SPATS2L: variants seen among roughly 807,000 people sequenced by gnomAD.
SPATS2L encodes the protein SPATS2-like protein.
In SPATS2L, 30 loss-of-function variants were observed where a neutral mutation model predicts 59.6. The ratio of observed to expected loss-of-function variants is 0.50; its 90% confidence interval spans 0.38 to 0.68. The LOEUF (loss-of-function observed/expected upper bound fraction) is 0.68, where lower values mean the gene tolerates loss of function less well. Among genes scored for constraint, SPATS2L ranks in the 30% least tolerant of loss-of-function variants. The pLI is 0.00. For missense variants in SPATS2L, 615 were observed against 700.0 expected (o/e 0.88, Z 1.37); for synonymous variants, 252 against 263.5 (o/e 0.96, Z 0.42).
chr2:200,349,558 A>C (rs2080646559), intron 2 of SPATS2L, among the ~76,000 whole-genome samples: 1 of 152,230 alleles, frequency 6.6e-6, no homozygotes, highest in African/African-American at 2.4e-5. Flanking sequence ...GAATCCCTTG[A>C]ACCCAGGAGG....
intron 2 of SPATS2L, among the ~76,000 whole-genome samples, chr2:200,354,335 G>T (rs931181957): frequency 5.3e-5 from 8 of 152,148 alleles, no homozygotes; most frequent in Admixed American, 1.3e-4. Flanking sequence ...CAGGTCGGGC[G>T]CGATGGCTCA....
chr2:200,476,813 G>A (rs1170271447), intron 12 of SPATS2L, among the ~76,000 whole-genome samples: 1 of 152,188 alleles, frequency 6.6e-6, no homozygotes. Flanking sequence ...TGTATCCTGA[G>A]CTCTTGTCCA....
At chr2:200,470,558 C>A in intron 11 of SPATS2L, among the ~76,000 whole-genome samples, 1 of 152,092 alleles carries the variant, frequency 6.6e-6, no homozygotes, top group East Asian at 1.9e-4. Flanking sequence ...AGCTAATGTG[C>A]AACAAAATTG....
chr2:200,307,598 C>T (rs765924573), intron 1 of SPATS2L, among the ~76,000 whole-genome samples: 1 of 152,190 alleles, frequency 6.6e-6, no homozygotes, highest in Admixed American at 6.5e-5. Flanking sequence ...AGTCCGCGGG[C>T]TGCGGACCCC....
At chr2:200,450,299 C>A (rs901660661) in intron 8 of SPATS2L, among the ~76,000 whole-genome samples, 10 of 152,294 alleles carry the variant, frequency 6.6e-5, no homozygotes, top group Non-Finnish European at 1.2e-4. Context: ...TGGGAAATTT[C>A]TTTTCCTCTA....
intron 3 of SPATS2L, among the ~76,000 whole-genome samples, chr2:200,394,296 C>T (rs548445866): frequency 2.0e-5 from 3 of 152,276 alleles, no homozygotes; most frequent in East Asian, 3.9e-4. Context: ...GTGTCTGCCT[C>T]CTTTGCAAAG....
chr2:200,472,850 A>C lies in SPATS2L; in HGVS notation c.1079A>C (p.Asn360Thr), dbSNP rs763483659. The C allele has an allele frequency of 6.8e-6, 11 of 1,613,802 alleles. No homozygotes were observed. The highest frequency in any genetic ancestry group is 3.4e-6 in the Non-Finnish European group (4 of 1,179,858). ...ATTGCAGTTACACATCCAAAGAACA[A>C]CTATTCCTCAAGAACTCCCTGCAGC... is the stretch of plus-strand genomic sequence containing the variant. The part of the protein sequence containing the change: ...LCGEITHPKN[N>T]YSSRTPCSSL... Residue 360 changes from asparagine (N) to threonine (T), a missense_variant, in exon 12 of 13, where the codon AAC becomes ACC. Around this residue, in one of 3 missense-constraint regions of SPATS2L, gnomAD observed 284 missense variants for 280.1 expected, o/e 1.01. Coordinates refer to ENST00000409140, the MANE Select transcript of SPATS2L (RefSeq NM_001100423.2).
At chr2:200,452,442 A>G (rs781281647) in intron 8 of SPATS2L, among the ~76,000 whole-genome samples, 28 of 152,328 alleles carry the variant, frequency 1.8e-4, no homozygotes, top group Middle Eastern at 3.4e-3. Flanking sequence ...ACTAATGTTG[A>G]GAGTTAGTCC....
intron 10 of SPATS2L, among the ~76,000 whole-genome samples, chr2:200,468,379 C>CACACACACACACACACACACACACAT (rs10524674): frequency 4.6e-5 from 7 of 151,488 alleles, no homozygotes; most frequent in Non-Finnish European, 1.0e-4. Flanking sequence ...CACACACACA[C>CACACACACACACACACACACACACAT]GCCTTCCAGC....
At chr2:200,393,388 G>A (rs2105934494) in intron 3 of SPATS2L, 1 of 454,796 alleles carries the variant, frequency 2.2e-6, no homozygotes, top group African/African-American at 2.0e-5. Context: ...CAGTGTAAAT[G>A]CTCCATGCAT....
intron 2 of SPATS2L, among the ~76,000 whole-genome samples, chr2:200,340,793 T>G (rs2080298715): frequency 6.6e-6 from 1 of 152,218 alleles, no homozygotes; most frequent in Non-Finnish European, 1.5e-5. Flanking sequence ...TGTATAGTAT[T>G]TTTCTGGAAA....
At chr2:200,452,602 G>A (rs1055386055) in intron 8 of SPATS2L, among the ~76,000 whole-genome samples, 10 of 152,196 alleles carry the variant, frequency 6.6e-5, no homozygotes, top group Non-Finnish European at 1.2e-4. Context: ...TCTCATAAAA[G>A]TAGTAGAAAT....
In SPATS2L at chr2:200,469,967, T is replaced by C. The variant is rs772348652; in HGVS notation, c.1011T>C (p.Phe337=). Residue 337 remains phenylalanine (F), a synonymous_variant, in exon 11 of 13, where the codon TTT becomes TTC. Transcript: ENST00000409140. ...AGGAGCTCGGGAAAGCTGCCCGGTT[T>C]TCCTGTGACATCGAACAGCTGAAGG... The part of the protein sequence containing the change: ...YDEELGKAAR[F]SCDIEQLKAQ... 1 of 1,612,602 alleles carries C rather than the reference T, an allele frequency of 6.2e-7. No individual in the cohort carries two copies. The highest frequency in any genetic ancestry group is 1.1e-5 in the South Asian group (1 of 90,578).
chr2:200,341,788 C>T (rs1012935379), intron 2 of SPATS2L, among the ~76,000 whole-genome samples: 8 of 150,962 alleles, frequency 5.3e-5, no homozygotes, highest in Admixed American at 6.6e-5. Flanking sequence ...CTCCTGGGTT[C>T]AAGTAATTCT....
In SPATS2L at chr2:200,407,365, C is replaced by T. The variant is rs114890620; in HGVS notation, c.40-4946C>T. ...CATTTGGCTCTCTATAAAGTACTCACCCTTACTCAGCAAAGTTAATTCCTT... is the reference window on the plus strand; with the variant it reads ...CATTTGGCTCTCTATAAAGTACTCATCCTTACTCAGCAAAGTTAATTCCTT... On this transcript the variant is annotated intron_variant, in intron 3 of 12. Coordinates refer to ENST00000409140, the MANE Select transcript of SPATS2L (RefSeq NM_001100423.2). 3.0e-3 allele frequency among the ~76,000 whole-genome samples: 453 copies of T among 152,316 alleles called. 3 individuals carry two copies. Among genetic ancestry groups the T allele is most frequent in the African/African-American group, 0.01 (435 of 41,576 alleles).
Position 200,479,981 on chromosome 2 carries a change from C to G in SPATS2L, c.*1950C>G. On this transcript the variant is annotated 3_prime_UTR_variant, in exon 13 of 13. Coordinates refer to ENST00000409140, the MANE Select transcript of SPATS2L (RefSeq NM_001100423.2). ...AGATAAATGTTCGGCACTGTAGGCC[C>G]TGTTTACCCCATCTGAGGCCCTGAA... is the stretch of plus-strand genomic sequence containing the variant. The G allele has an allele frequency of 2.7e-6, 1 of 375,682 alleles. No individual in the cohort carries two copies. The highest frequency in any genetic ancestry group is 4.7e-6 in the Non-Finnish European group (1 of 212,378). 23.3% of individuals were successfully genotyped at this position (375,682 alleles called of 1,614,324 possible). A position where few individuals can be genotyped will look rare whatever the true frequency, so the allele number is the denominator to read the frequency against.
chr2:200,357,179 G>C (rs2080943832), intron 2 of SPATS2L, among the ~76,000 whole-genome samples: 1 of 152,152 alleles, frequency 6.6e-6, no homozygotes, highest in Admixed American at 6.5e-5. Flanking sequence ...GTTGAATTCT[G>C]TTCATTCCAC....
At chr2:200,399,755 T>C (rs890069630) in intron 3 of SPATS2L, among the ~76,000 whole-genome samples, 1 of 152,122 alleles carries the variant, frequency 6.6e-6, no homozygotes, top group Non-Finnish European at 1.5e-5. Context: ...GTGCTTCTAG[T>C]TTCCATGGTG....
Position 200,401,384 on chromosome 2 carries a change from T to C in SPATS2L, c.40-10927T>C, listed in dbSNP as rs373838273. ...ATTTTGGACACTTGTTATGCAGCAG[T>C]GGATACCTGGGATGGATACCCTCTT... On this transcript the variant is annotated intron_variant, in intron 3 of 12. Coordinates refer to ENST00000409140, the MANE Select transcript of SPATS2L (RefSeq NM_001100423.2). Among the ~76,000 whole-genome samples, 8 of 152,316 alleles carry C rather than the reference T, an allele frequency of 5.3e-5. No individual in the cohort carries two copies. The East Asian group carries it at 1.4e-3, about 26-fold the overall frequency.
Sources: allele counts gnomAD v4.1 joint callset (sites outside exome capture counted in the v4.1 genomes callset), GRCh38; gene constraint gnomAD v4.1.1; regional missense constraint gnomAD v4.1.1; transcripts MANE v1.5; gene names NCBI Gene and HGNC (gene_info 2026-07-23, HGNC 2026-07-21).